Variants in CHODL observed in about 807,000 individuals in gnomAD.
CHODL encodes transmembrane protein MT75.
A neutral mutation model predicts 34.5 loss-of-function variants in CHODL; 29 were observed. The ratio of observed to expected loss-of-function variants is 0.84; its 90% CI spans 0.63 to 1.15. CHODL has a LOEUF of 1.15. Among genes scored for constraint, CHODL ranks in the 50% most tolerant of loss-of-function variants. CHODL has a pLI of 0.00. For synonymous variants in CHODL, 125 were observed against 116.1 expected (o/e 1.08, Z -0.49); for missense variants, 332 against 332.5 (o/e 1.00, Z 0.01).
Position 18,256,697 on chromosome 21 carries a change from C to A in CHODL, c.268C>A (p.Pro90Thr). The change falls in exon 2 of 6, where the codon CCC (proline) becomes ACC (threonine). Residue 90 changes from proline (P) to threonine (T), a missense_variant. Transcript: ENST00000299295. Reference sequence around the variant, plus strand: ...GAGCATGTTGCAAAACCTGACAAAACCCGGGACAGGGATTTCTGATGGTGA... The same window carrying A: ...GAGCATGTTGCAAAACCTGACAAAAACCGGGACAGGGATTTCTGATGGTGA... Reference protein sequence around the residue: ...IESMLQNLTKPGTGISDGDFW... With the variant: ...IESMLQNLTKTGTGISDGDFW... The A allele has an allele frequency of 3.7e-6, 6 of 1,614,010 alleles. No homozygotes were observed. Among genetic ancestry groups the A allele is most frequent in the Non-Finnish European group, 5.1e-6 (6 of 1,179,966 alleles).
At chr21:18,059,133 G>T (rs137855826) in intron 2 of CHODL, among the ~76,000 whole-genome samples, 259 of 152,222 alleles carry the variant, frequency 1.7e-3, no homozygotes, top group African/African-American at 6.1e-3. Context: ...TGATCTGATA[G>T]GATTGGTGTT....
At chr21:17,969,769 A>G (rs922242160) in intron 1 of CHODL, among the ~76,000 whole-genome samples, 1 of 152,246 alleles carries the variant, frequency 6.6e-6, no homozygotes. Flanking sequence ...AGGCATTACT[A>G]TGATATTAAA....
chr21:18,162,409 T>TTTTC (rs2146644889), intron 2 of CHODL, among the ~76,000 whole-genome samples: 1 of 56,506 alleles, frequency 1.8e-5, no homozygotes. Context: ...TCACGTGGTG[T>TTTTC]TTTCTCTCTC....
intron 2 of CHODL, among the ~76,000 whole-genome samples, chr21:18,200,107 C>A (rs1328546318): frequency 6.6e-6 from 1 of 152,104 alleles, no homozygotes; most frequent in Non-Finnish European, 1.5e-5. Context: ...TGCATTCTTG[C>A]AGCATTTGAT....
At chr21:18,061,881 A>G (rs1228928755) in intron 2 of CHODL, among the ~76,000 whole-genome samples, 1 of 152,204 alleles carries the variant, frequency 6.6e-6, no homozygotes, top group Non-Finnish European at 1.5e-5. Flanking sequence ...TGTGTAAGTG[A>G]GTTATCTGAA....
At chr21:17,973,419 T>TTC (rs1335725196) in intron 1 of CHODL, among the ~76,000 whole-genome samples, 10 of 70,562 alleles carry the variant, frequency 1.4e-4, no homozygotes, top group African/African-American at 1.1e-3. Flanking sequence ...CTTTCTTTCT[T>TTC]TTTTTTTTTT....
At chr21:18,207,116 T>C (rs902792054) in intron 2 of CHODL, among the ~76,000 whole-genome samples, 1 of 152,138 alleles carries the variant, frequency 6.6e-6, no homozygotes, top group Non-Finnish European at 1.5e-5. Flanking sequence ...TTCCCACCTA[T>C]GTGTGAGAAC....
At chr21:18,158,454 T>C (rs1371042801) in intron 2 of CHODL, among the ~76,000 whole-genome samples, 3 of 152,158 alleles carry the variant, frequency 2.0e-5, no homozygotes, top group Non-Finnish European at 4.4e-5. Flanking sequence ...GACCTTCATG[T>C]TAATTAGCAC....
chr21:18,191,416 C>T (rs1377229399), intron 2 of CHODL, among the ~76,000 whole-genome samples: 1 of 152,194 alleles, frequency 6.6e-6, no homozygotes, highest in Non-Finnish European at 1.5e-5. Flanking sequence ...GTTGCCAGGG[C>T]TCTGCAAGGT....
chr21:17,962,447 T>C (rs1462343955), intron 1 of CHODL, among the ~76,000 whole-genome samples: 2 of 152,188 alleles, frequency 1.3e-5, no homozygotes, highest in African/African-American at 2.4e-5. Context: ...GCAGTGATTC[T>C]GAAACAGATT....
intron 2 of CHODL, among the ~76,000 whole-genome samples, chr21:18,158,384 G>T (rs1270292270): frequency 6.6e-6 from 1 of 152,124 alleles, no homozygotes; most frequent in Non-Finnish European, 1.5e-5. Context: ...CATTATTGAT[G>T]TTGCTTTGCG....
chr21:18,068,638 C>T (rs990671295), intron 2 of CHODL, among the ~76,000 whole-genome samples: 1 of 152,152 alleles, frequency 6.6e-6, no homozygotes, highest in African/African-American at 2.4e-5. Flanking sequence ...GTTGAATCGA[C>T]CTTTTGAAGT....
chr21:18,017,727 C>A (rs920642560), intron 1 of CHODL, among the ~76,000 whole-genome samples: 1 of 152,194 alleles, frequency 6.6e-6, no homozygotes, highest in African/African-American at 2.4e-5. Context: ...ACACAGTGTG[C>A]CCACTGGGCC....
intron 1 of CHODL, among the ~76,000 whole-genome samples, chr21:17,976,960 A>T (rs1261367058): frequency 6.6e-6 from 1 of 152,136 alleles, no homozygotes; most frequent in African/African-American, 2.4e-5. Flanking sequence ...TCATCATATA[A>T]ACCTTTATTG....
intron 1 of CHODL, among the ~76,000 whole-genome samples, chr21:17,928,118 C>T (rs1336473651): frequency 2.6e-5 from 4 of 152,200 alleles, no homozygotes; most frequent in Admixed American, 6.5e-5. Context: ...TTGTTCTCAT[C>T]TTTCAAATAT....
At chr21:18,238,266 A>G (rs111684046) in intron 2 of CHODL, among the ~76,000 whole-genome samples, 10,239 of 152,148 alleles carry the variant, frequency 0.067, 437 homozygotes, top group Non-Finnish European at 0.096. Flanking sequence ...TGATAAAGAC[A>G]TACCCGAGAC....
chr21:18,259,011 A>G (rs1361588301), intron 3 of CHODL, among the ~76,000 whole-genome samples: 2 of 152,206 alleles, frequency 1.3e-5, no homozygotes, highest in Non-Finnish European at 2.9e-5. Flanking sequence ...GGAGGCTATT[A>G]AAATGTCAGA....
chr21:18,028,276 C>CT (rs2064203601), intron 2 of CHODL, among the ~76,000 whole-genome samples: 2 of 19,916 alleles, frequency 1.0e-4, no homozygotes, highest in South Asian at 2.9e-3. Flanking sequence ...TTTTCCTTTT[C>CT]CCCTTCCTTC....
chr21:18,112,825 T>G (rs886578387), intron 2 of CHODL, among the ~76,000 whole-genome samples: 1 of 152,154 alleles, frequency 6.6e-6, no homozygotes, highest in African/African-American at 2.4e-5. Flanking sequence ...CAAGAAAACA[T>G]TGGGGAAACT....
Sources: allele counts gnomAD v4.1 joint callset (sites outside exome capture counted in the v4.1 genomes callset), GRCh38; gene constraint gnomAD v4.1.1; transcripts MANE v1.5; gene names NCBI Gene and HGNC (gene_info 2026-07-23, HGNC 2026-07-21).